CAPN3: variants seen among roughly 807,000 people sequenced by gnomAD.
The protein encoded by CAPN3 is calpain-3.
Under a neutral mutation model 114.0 loss-of-function variants are expected in CAPN3, and 88 were observed. That is an observed-to-expected ratio of 0.77 (90% confidence interval 0.65 to 0.92). The LOEUF is 0.92. CAPN3 is among the 40% of genes least tolerant of loss of function. The pLI is 0.00. For synonymous variants in CAPN3, 386 were observed against 382.9 expected, an observed-to-expected ratio of 1.01 and a Z score of -0.09; for missense variants, 1,028 against 1,069.0, an observed-to-expected ratio of 0.96 and a Z score of 0.53.
chr15:42,366,474 C>A (rs2052778892), intron 1 of CAPN3, among the ~76,000 whole-genome samples: 1 of 151,918 alleles, frequency 6.6e-6, no homozygotes, highest in South Asian at 2.1e-4. Context: ...GATCTTCTTA[C>A]TACTGTGGAA....
At chr15:42,411,464 TAGGAACAGAACATGG>T in intron 23 of CAPN3, 119 bp downstream of exon 23, 1 of 988,682 alleles carries the variant, frequency 1.0e-6, no homozygotes, top group South Asian at 1.3e-5. Flanking sequence ...AGGGAAGGGA[TAGGAACAGAACATGG>T]AGGGAGGCTC....
chr15:42,373,870 G>A (rs2053019134), intron 1 of CAPN3, among the ~76,000 whole-genome samples: 1 of 152,196 alleles, frequency 6.6e-6, no homozygotes, highest in Non-Finnish European at 1.5e-5. Flanking sequence ...TATAGGATTA[G>A]TATATCAGAA....
In CAPN3 at chr15:42,405,931, G is replaced by T. The variant is rs576834485; in HGVS notation, c.1788G>T (p.Lys596Asn). The T allele has an allele frequency of 1.3e-5, 21 of 1,612,100 alleles. No individual in the cohort carries two copies. The East Asian group carries it at 4.2e-4, about 33-fold the overall frequency. ...TGTTTCCTTTTCTTATGCAGAAAAA[G>T]AAAAAAACCAAGGTAGGTGTGTGGG... ...NTISVDRPVK[K>N]KKTKPIIFVS... is the part of the protein sequence containing the mutation. The change falls in exon 15 of 24, where the codon AAG becomes AAT. Residue 596 changes from lysine to asparagine, a missense_variant. Transcript: ENST00000397163.
At chr15:42,364,293 C>T (rs2052724456) in intron 1 of CAPN3, among the ~76,000 whole-genome samples, 1 of 152,158 alleles carries the variant, frequency 6.6e-6, no homozygotes, top group African/African-American at 2.4e-5. Flanking sequence ...GGAGAAAAAC[C>T]ATAATTGAAG....
intron 6 of CAPN3, among the ~76,000 whole-genome samples, chr15:42,390,508 T>C (rs914506106): frequency 6.6e-6 from 1 of 152,190 alleles, no homozygotes; most frequent in African/African-American, 2.4e-5. Context: ...TTTTCAATAT[T>C]TGTGGAAAAA....
intron 1 of CAPN3, 103 bp from the exon 2 acceptor site, chr15:42,384,380 G>A (rs953151838): frequency 5.9e-6 from 5 of 850,138 alleles, no homozygotes; most frequent in Non-Finnish European, 1.0e-5. Flanking sequence ...CCAGTGCACT[G>A]CAGCCTGGCG....
chr15:42,406,537 A>G (rs1203550363), intron 15 of CAPN3, among the ~76,000 whole-genome samples: 1 of 151,966 alleles, frequency 6.6e-6, no homozygotes, highest in Non-Finnish European at 1.5e-5. Context: ...AACAGTATCT[A>G]CAAAGTAGGT....
intron 12 of CAPN3, chr15:42,402,478 C>T: frequency 7.0e-7 from 1 of 1,427,836 alleles, no homozygotes; most frequent in East Asian, 2.6e-5. Flanking sequence ...TCACTTCCCT[C>T]AGAACCCAGC....
rs149914792 is a variant in CAPN3, at chr15:42,399,601, G to A, written c.1303G>A (p.Glu435Lys). The change falls in exon 10 of 24, where the codon GAG (glutamate) becomes AAG (lysine). Residue 435 changes from glutamate (E) to lysine (K), a missense_variant. Physicochemically the swap from Glu to Lys is moderately conservative, Grantham distance 56. Coordinates refer to ENST00000397163, the MANE Select transcript of CAPN3 (RefSeq NM_000070.3). ...TCAGACCTGGACAGTGTCTGTGAAC[G>A]AGGGCCGCTGGGTACGGGGTTGCTC... ...KLQTWTVSVN[E>K]GRWVRGCSAG... 107 of 1,613,678 alleles carry A rather than the reference G, an allele frequency of 6.6e-5. No individual in the cohort carries two copies. Among genetic ancestry groups the A allele is most frequent in the Admixed American group, 4.0e-4 (24 of 59,984 alleles).
At chr15:42,380,472 T>C (rs1253379030) in intron 1 of CAPN3, among the ~76,000 whole-genome samples, 2 of 143,866 alleles carry the variant, frequency 1.4e-5, no homozygotes, top group African/African-American at 2.6e-5. Flanking sequence ...CCTCTGCCTC[T>C]TGAGCTCAAG....
At chr15:42,397,302 G>A (rs994147037) in intron 9 of CAPN3, among the ~76,000 whole-genome samples, 2 of 152,178 alleles carry the variant, frequency 1.3e-5, no homozygotes, top group Non-Finnish European at 2.9e-5. Context: ...AGCCCCCTAA[G>A]TTCCCCGAGG....
chr15:42,385,822 A>G, intron 2 of CAPN3: 1 of 549,286 alleles, frequency 1.8e-6, no homozygotes, highest in Non-Finnish European at 3.6e-6. Flanking sequence ...CAGATTTCCT[A>G]CAGGTGTTAG....
intron 4 of CAPN3, among the ~76,000 whole-genome samples, chr15:42,388,536 G>A (rs746721699): frequency 6.6e-6 from 1 of 152,048 alleles, no homozygotes; most frequent in Non-Finnish European, 1.5e-5. Context: ...CGAACTCTTG[G>A]GCTCATGCAA....
At chr15:42,372,698 A>T (rs1595806060) in intron 1 of CAPN3, among the ~76,000 whole-genome samples, 2 of 152,190 alleles carry the variant, frequency 1.3e-5, no homozygotes, top group Non-Finnish European at 2.9e-5. Flanking sequence ...AAATACAAAA[A>T]TTAGCCAGGC....
intron 1 of CAPN3, among the ~76,000 whole-genome samples, chr15:42,379,987 A>G (rs748452396): frequency 6.6e-5 from 10 of 152,190 alleles, no homozygotes; most frequent in Non-Finnish European, 1.2e-4. Flanking sequence ...ATGATGGTGC[A>G]TGCTTGTAAT....
At chr15:42,381,762 A>T (rs2053257198) in intron 1 of CAPN3, among the ~76,000 whole-genome samples, 1 of 151,978 alleles carries the variant, frequency 6.6e-6, no homozygotes, top group Admixed American at 6.5e-5. Context: ...CTGGTCTCGA[A>T]CTCCTGGCCT....
At chr15:42,379,838 C>G (rs1372086481) in intron 1 of CAPN3, among the ~76,000 whole-genome samples, 1 of 152,060 alleles carries the variant, frequency 6.6e-6, no homozygotes, top group Non-Finnish European at 1.5e-5. Context: ...GTTTCTTGGC[C>G]AGGCATGGTG....
intron 15 of CAPN3, among the ~76,000 whole-genome samples, chr15:42,406,906 G>C (rs1238673350): frequency 6.6e-6 from 1 of 152,196 alleles, no homozygotes; most frequent in African/African-American, 2.4e-5. Flanking sequence ...TCTGGGGCCT[G>C]CTGGGAGCCA....
At chr15:42,386,929 C>T (rs886528573) in intron 3 of CAPN3, among the ~76,000 whole-genome samples, 10 of 152,118 alleles carry the variant, frequency 6.6e-5, no homozygotes, top group African/African-American at 2.2e-4. Flanking sequence ...GTCAGCCTGT[C>T]TCCAGCTTCA....
Sources: allele counts gnomAD v4.1 joint callset (sites outside exome capture counted in the v4.1 genomes callset), GRCh38; gene constraint gnomAD v4.1.1; transcripts MANE v1.5; gene names NCBI Gene and HGNC (gene_info 2026-07-23, HGNC 2026-07-21).